Variants in GSE1 observed in about 807,000 individuals in gnomAD.
The protein encoded by GSE1 is Gse1 coiled-coil protein, also known as genetic suppressor element 1.
In GSE1, 32 loss-of-function variants were observed where a neutral mutation model predicts 112.6. The observed-to-expected ratio is 0.28, with a 90% CI of 0.21 to 0.38. The LOEUF (loss-of-function observed/expected upper bound fraction) is 0.38, where lower values mean the gene tolerates loss of function less well. GSE1 is among the 10% of genes least tolerant of loss of function. The pLI, the probability that GSE1 is intolerant of heterozygous loss-of-function variation, is 1.00. For missense variants in GSE1, 2,348 were observed against 1,699.2 expected, an observed-to-expected ratio of 1.38 and a Z score of -6.71; for synonymous variants, 1,115 against 735.6, an observed-to-expected ratio of 1.52 and a Z score of -8.35.
chr16:85,330,194 G>A (rs1055685431), intron 1 of GSE1, among the ~76,000 whole-genome samples: 16 of 152,238 alleles, frequency 1.1e-4, no homozygotes, highest in Non-Finnish European at 2.1e-4. Context: ...TTGCAGATGT[G>A]AGCTAGGGAC....
Position 85,202,954 on chromosome 16 carries a change from C to T in GSE1, c.2283+31147C>T, listed in dbSNP as rs891236444. 3.3e-4 allele frequency among the ~76,000 whole-genome samples: 50 copies of T among 151,520 alleles called. 1 individual carries two copies. The highest frequency in any genetic ancestry group is 1.1e-3 in the African/African-American group (46 of 41,294). On this transcript the variant is annotated intron_variant, in intron 1 of 2. Transcript: ENST00000637419. ...CTCGTCCTCTCCCTTCGCCTCCTCC[C>T]CTTCCCTCCTCCCCCTCCCTCCCCA...
intron 1 of GSE1, among the ~76,000 whole-genome samples, chr16:85,273,225 A>G (rs1472264032): frequency 6.6e-6 from 1 of 152,198 alleles, no homozygotes; most frequent in Non-Finnish European, 1.5e-5. Context: ...GGGGTGGGGG[A>G]AGATTGAAAA....
At chr16:85,501,449 G>C (rs1285241671) in intron 2 of GSE1, among the ~76,000 whole-genome samples, 1 of 143,364 alleles carries the variant, frequency 7.0e-6, no homozygotes, top group Non-Finnish European at 1.5e-5. Context: ...CTGGAGTGTA[G>C]TGATGCAAAT....
Position 85,668,351 on chromosome 16 carries a change from TGAG to T in GSE1, c.3348_3350del (p.Glu1117del), listed in dbSNP as rs768103951. 455 of 1,613,052 alleles carry T rather than the reference TGAG, an allele frequency of 2.8e-4. 1 individual carries two copies. In the Middle Eastern group the frequency reaches 0.01, roughly 36 times the overall value. On this transcript the variant is annotated inframe_deletion, in exon 14 of 16. Transcript: ENST00000253458. Reference sequence around the variant, plus strand: ...AGGAGGATGATGAAGATGGAGAAGATGAGGAGGAAGTCCCCAAGCGCAAGTGGC... The same window carrying T: ...AGGAGGATGATGAAGATGGAGAAGATGAGGAAGTCCCCAAGCGCAAGTGGC...
At chr16:85,296,203 CA>C (rs1193375191) in intron 1 of GSE1, among the ~76,000 whole-genome samples, 1 of 152,206 alleles carries the variant, frequency 6.6e-6, no homozygotes, top group Non-Finnish European at 1.5e-5. Flanking sequence ...CCTGTGCGAA[CA>C]CTGCCCGTCC....
chr16:85,300,732 C>T (rs1254671775), intron 1 of GSE1, among the ~76,000 whole-genome samples: 2 of 152,248 alleles, frequency 1.3e-5, no homozygotes, highest in East Asian at 1.9e-4. Flanking sequence ...CAGGCATTTT[C>T]ACCTCCTGCC....
At chr16:85,463,163 G>C in intron 2 of GSE1, 1 of 961,120 alleles carries the variant, frequency 1.0e-6, no homozygotes, top group Non-Finnish European at 1.2e-6. Context: ...ACGGGAGGGT[G>C]GGGGGTCCGG....
Position 85,237,578 on chromosome 16 carries a change from C to A in GSE1, c.2283+65771C>A, listed in dbSNP as rs140353631. On this transcript the variant is annotated intron_variant, in intron 1 of 2. Coordinates refer to the GSE1 transcript ENST00000637419. ...ATGAGGCTGGGCACGGTGGCTCACA[C>A]CTGTAATCCCAGCACTTTGGGAGGC... is the stretch of plus-strand genomic sequence containing the variant. Among the ~76,000 whole-genome samples the A allele has an allele frequency of 9.3e-3, 1,413 of 152,098 alleles. 21 individuals are homozygous for A. The highest frequency in any genetic ancestry group is 0.033 in the African/African-American group (1,356 of 41,466).
chr16:85,594,244 G>C (rs868013699), intron 1 of GSE1: 7 of 131,666 alleles, frequency 5.3e-5, no homozygotes, highest in East Asian at 2.8e-4. Context: ...GGGGGGGGGG[G>C]GCGGAGGGGA....
chr16:85,464,345 T>TG (rs2050064497), intron 2 of GSE1, among the ~76,000 whole-genome samples: 2 of 148,108 alleles, frequency 1.4e-5, no homozygotes, highest in African/African-American at 5.0e-5. Flanking sequence ...GGGGCCGGGG[T>TG]GGGGGGCAGC....
intron 1 of GSE1, among the ~76,000 whole-genome samples, chr16:85,304,584 A>T (rs943013632): frequency 9.7e-6 from 1 of 103,478 alleles, no homozygotes; most frequent in South Asian, 3.8e-4. Context: ...GCTGCATGGC[A>T]GCTGCCAAGC....
At chr16:85,466,744 A>G (rs1489774850) in intron 2 of GSE1, among the ~76,000 whole-genome samples, 1 of 152,056 alleles carries the variant, frequency 6.6e-6, no homozygotes, top group Non-Finnish European at 1.5e-5. Context: ...AGAGCGCACA[A>G]GAGAGCAAGA....
chr16:85,275,660 GA>G (rs1310237909), intron 1 of GSE1, among the ~76,000 whole-genome samples: 24 of 152,194 alleles, frequency 1.6e-4, no homozygotes, highest in African/African-American at 5.3e-4. Flanking sequence ...TAGACGTGGG[GA>G]GGCAGTCAGG....
chr16:85,331,591 G>GTA (rs1190864500), intron 1 of GSE1, among the ~76,000 whole-genome samples: 1 of 133,574 alleles, frequency 7.5e-6, no homozygotes, highest in South Asian at 2.4e-4. Context: ...GTGTATATAT[G>GTA]TGTATATGTG....
Position 85,671,101 on chromosome 16 carries a change from G to T in GSE1, c.3519+3G>T. ...AGCAGCTCTCCCACAGCGTGGCGGT[G>T]AGTTGGGAAGGGATGGAAACCTTCA... On this transcript the variant is annotated splice_donor_region_variant and intron_variant, in intron 15 of 15. Transcript: ENST00000253458. 2 of 1,558,810 alleles carry T rather than the reference G, an allele frequency of 1.3e-6. No individual in the cohort carries two copies. The highest frequency in any genetic ancestry group is 2.2e-5 in the East Asian group (1 of 44,562).
intron 1 of GSE1, among the ~76,000 whole-genome samples, chr16:85,560,835 A>G (rs747728901): frequency 1.3e-5 from 2 of 152,042 alleles, no homozygotes; most frequent in Non-Finnish European, 2.9e-5. Flanking sequence ...AAAAAATAAT[A>G]ATAATAACGA....
At position 85,616,952 on chromosome 16, in the gene GSE1, G is replaced by A. The variant is rs151056340; in HGVS notation, c.7+3554G>A. The stretch of plus-strand genomic sequence containing the variant: ...GCAGCCCTTTGCATGCCTGCCAAAC[G>A]CACACTCGGGGGCCTTTTAATCTTG... On this transcript the variant is annotated intron_variant, in intron 1 of 15. Coordinates refer to ENST00000253458, the MANE Select transcript of GSE1 (RefSeq NM_014615.5). 2.3e-4 allele frequency among the ~76,000 whole-genome samples: 35 copies of A among 152,264 alleles called. No homozygotes were observed. In the East Asian group the frequency reaches 4.3e-3, roughly 18 times the overall value.
chr16:85,392,543 G>A (rs2047866096), intron 2 of GSE1, among the ~76,000 whole-genome samples: 1 of 152,182 alleles, frequency 6.6e-6, no homozygotes, highest in South Asian at 2.1e-4. Context: ...ATCAAACTGT[G>A]TGCTTTAAAT....
At chr16:85,315,073 T>C (rs1046272704) in intron 1 of GSE1, among the ~76,000 whole-genome samples, 1 of 152,204 alleles carries the variant, frequency 6.6e-6, no homozygotes, top group African/African-American at 2.4e-5. Context: ...CTGTCACTTA[T>C]TTTAGAAATA....
Sources: gnomAD v4.1 joint callset for allele counts (sites outside exome capture counted in the v4.1 genomes callset) on GRCh38, gnomAD v4.1.1 for gene constraint, MANE v1.5 for transcripts, NCBI Gene and HGNC (gene_info 2026-07-23, HGNC 2026-07-21) for gene names.